Variants in CDK9 observed in about 807,000 individuals in gnomAD.
CDK9 encodes cyclin dependent kinase 9.
In CDK9, 34 loss-of-function variants were observed where a neutral mutation model predicts 39.0. The ratio of observed to expected loss-of-function variants is 0.87; its 90% CI spans 0.66 to 1.16. CDK9 has a LOEUF of 1.16. Ranked by LOEUF, CDK9 falls within the 50% of genes most tolerant of loss-of-function variation. CDK9 has a pLI of 0.00. For missense variants in CDK9, 369 were observed against 503.2 expected (o/e 0.73, Z 2.55); for synonymous variants, 233 against 196.2 (o/e 1.19, Z -1.57).
intron 1 of CDK9, 28 bp downstream of exon 1, chr9:127,786,268 G>T (rs751365977): frequency 1.3e-6 from 2 of 1,579,720 alleles, no homozygotes; most frequent in East Asian, 2.3e-5. Flanking sequence ...GGGGCCGGGA[G>T]CCCTGGGCCT....
At position 127,786,776 on chromosome 9, in the gene CDK9, GGA is replaced by G. The variant is rs776932315; in HGVS notation, c.170_171del (p.Glu57GlyfsTer26). On this transcript the variant is annotated frameshift_variant, in exon 2 of 7. Transcript: ENST00000373264. LOFTEE classifies it high-confidence loss of function. ...AGAAGGTGCTGATGGAAAACGAGAA[GGA>G]GGGGGTGAGTACGGATCGGGCGTGC... ...LKKVLMENEK[E>X]GFPITALREI... 6.2e-7 allele frequency: 1 copy of G among 1,614,046 alleles called. No homozygotes were observed. Among genetic ancestry groups the G allele is most frequent in the South Asian group, 1.1e-5 (1 of 91,036 alleles).
intron 5 of CDK9, 57 bp downstream of exon 5, chr9:127,788,442 TC>T: frequency 6.4e-7 from 1 of 1,559,890 alleles, no homozygotes. Flanking sequence ...CCTGGCCCCT[TC>T]CCCCCAACTG....
At position 127,789,270 on chromosome 9, in the gene CDK9, T is replaced by C. The variant is rs1471339806; in HGVS notation, c.846T>C (p.Tyr282=). The part of the protein sequence containing the change: ...KRKVKDRLKA[Y]VRDPYALDLI... ...AGGTGAAGGACAGGCTGAAGGCCTA[T>C]GTGCGTGACCCATACGCACTGGACC... The change falls in exon 7 of 7, where the codon TAT becomes TAC. Residue 282 remains tyrosine (Y), a synonymous_variant. Transcript: ENST00000373264. This position sits in a 1 kb window ranked among gnomAD's most constrained non-coding sequence, Gnocchi z 5.2. 1.2e-6 allele frequency: 2 copies of C among 1,613,778 alleles called. No homozygotes were observed. The highest frequency in any genetic ancestry group is 8.5e-7 in the Non-Finnish European group (1 of 1,179,934).
In CDK9 at chr9:127,789,386, C is replaced by T. The variant is rs756164503; in HGVS notation, c.962C>T (p.Pro321Leu). ...NHDFFWSDPM[P>L]SDLKGMLSTH... ...GACTTCTTCTGGTCCGACCCCATGC[C>T]CTCCGACCTCAAGGGCATGCTCTCC... is the stretch of plus-strand genomic sequence containing the variant. The change falls in exon 7 of 7, where the codon CCC becomes CTC. Residue 321 changes from proline (P) to leucine (L), a missense_variant. Coordinates refer to ENST00000373264, the MANE Select transcript of CDK9 (RefSeq NM_001261.4). The surrounding 1 kb of genome is among the most constrained non-coding windows in gnomAD (Gnocchi z 5.2). 3.1e-6 allele frequency: 5 copies of T among 1,614,036 alleles called. No individual in the cohort carries two copies. The highest frequency in any genetic ancestry group is 1.1e-5 in the South Asian group (1 of 91,090).
rs776278851 is a variant in CDK9, at chr9:127,788,396, C to G, written c.604+11C>G. On this transcript the variant is annotated intron_variant, in intron 5 of 6. Transcript: ENST00000373264. ...CGGAGCTGTTGCTCGGTGAGGACTC[C>G]CGAGCGGGCCAAGGGGGGTGAGGGC... 28 of 1,609,078 alleles carry G rather than the reference C, an allele frequency of 1.7e-5. No homozygotes were observed. Among genetic ancestry groups the G allele is most frequent in the Middle Eastern group, 3.6e-4 (2 of 5,592 alleles).
chr9:127,788,410 G>T (rs375548421), intron 5 of CDK9, 25 bp downstream of exon 5: 3 of 1,601,552 alleles, frequency 1.9e-6, no homozygotes, highest in East Asian at 2.2e-5. Flanking sequence ...GCGGGCCAAG[G>T]GGGGTGAGGG....
At chr9:127,787,663 G>T (rs1251195452) in intron 3 of CDK9, 55 bp downstream of exon 3, 2 of 1,377,300 alleles carry the variant, frequency 1.5e-6, no homozygotes, top group Middle Eastern at 1.8e-4. Flanking sequence ...GGTTTTGTTT[G>T]TAAACTTGGA....
chr9:127,786,802 G>T lies in CDK9; in HGVS notation c.174+20G>T, dbSNP rs1341498124. 5.6e-6 allele frequency: 9 copies of T among 1,610,490 alleles called. No individual in the cohort carries two copies. The highest frequency in any genetic ancestry group is 1.1e-5 in the South Asian group (1 of 90,748). ...GAGGGGGTGAGTACGGATCGGGCGT[G>T]CGGGCCGGCCGGCTAACTGCCCGGG... On this transcript the variant is annotated intron_variant, in intron 2 of 6. Transcript: ENST00000373264.
intron 3 of CDK9, 67 bp downstream of exon 3, chr9:127,787,675 C>T: frequency 8.4e-7 from 1 of 1,184,808 alleles, no homozygotes; most frequent in Non-Finnish European, 1.3e-6. Context: ...AAACTTGGAA[C>T]TAGGCACACC....
Position 127,789,360 on chromosome 9 carries a change from C to T in CDK9, c.936C>T (p.His312=), listed in dbSNP as rs146248974. Reference sequence around the variant, plus strand: ...TCGACAGCGATGACGCCCTCAACCACGACTTCTTCTGGTCCGACCCCATGC... The same window carrying T: ...TCGACAGCGATGACGCCCTCAACCATGACTTCTTCTGGTCCGACCCCATGC... ...QRIDSDDALN[H]DFFWSDPMPS... is the part of the protein sequence containing the mutation. The change falls in exon 7 of 7, where the codon CAC becomes CAT. Residue 312 remains histidine, a synonymous_variant. Coordinates refer to ENST00000373264, the MANE Select transcript of CDK9 (RefSeq NM_001261.4). The surrounding 1 kb of genome is among the most constrained non-coding windows in gnomAD (Gnocchi z 5.2). 1.2e-5 allele frequency: 20 copies of T among 1,613,914 alleles called. No homozygotes were observed. Among genetic ancestry groups the T allele is most frequent in the African/African-American group, 5.3e-5 (4 of 74,928 alleles).
chr9:127,788,180 G>A (rs1227146791), intron 4 of CDK9, 34 bp from the exon 5 acceptor site: 2 of 1,613,336 alleles, frequency 1.2e-6, no homozygotes. Flanking sequence ...CCGGGTGGAT[G>A]TCACTAAAGG....
rs1465554087 is a variant in CDK9, at chr9:127,788,371, C to G, written c.590C>G (p.Pro197Arg). The G allele has an allele frequency of 6.2e-7, 1 of 1,612,204 alleles. No homozygotes were observed. The highest frequency in any genetic ancestry group is 1.7e-5 in the Admixed American group (1 of 59,960). Residue 197 changes from proline (P) to arginine (R), a missense_variant, in exon 5 of 7, where the codon CCG becomes CGG. Transcript: ENST00000373264. Reference sequence around the variant, plus strand: ...GTGGTGACACTCTGGTACCGGCCCCCGGAGCTGTTGCTCGGTGAGGACTCC... The same window carrying G: ...GTGGTGACACTCTGGTACCGGCCCCGGGAGCTGTTGCTCGGTGAGGACTCC... ...NRVVTLWYRP[P>R]ELLLGERDYG...
At position 127,787,928 on chromosome 9, in the gene CDK9, C is replaced by G. The variant is rs745632670; in HGVS notation, c.266-19C>G. ...GGTGTGGTTTTCTTGACTTTTTCTTCTTTCTATTCCTGCCTCAGCTTCCCC... is the reference window on the plus strand; with the variant it reads ...GGTGTGGTTTTCTTGACTTTTTCTTGTTTCTATTCCTGCCTCAGCTTCCCC... On this transcript the variant is annotated intron_variant, in intron 3 of 6. Coordinates refer to ENST00000373264, the MANE Select transcript of CDK9 (RefSeq NM_001261.4). The G allele has an allele frequency of 6.2e-7, 1 of 1,612,476 alleles. No homozygotes were observed. Among genetic ancestry groups the G allele is most frequent in the South Asian group, 1.1e-5 (1 of 91,064 alleles).
rs1050390530 is a variant in CDK9 at position 127,787,503 on chromosome 9, C to G, written c.175-15C>G. 6.3e-7 allele frequency: 1 copy of G among 1,598,448 alleles called. No individual in the cohort carries two copies. The highest frequency in any genetic ancestry group is 8.6e-7 in the Non-Finnish European group (1 of 1,165,960). On this transcript the variant is annotated splice_polypyrimidine_tract_variant and intron_variant, in intron 2 of 6. Transcript: ENST00000373264. ...TGCGCTCACTCTTGACCACTTTCCCCTCTTTCTCACCCAGTTCCCCATTAC... is the reference window on the plus strand; with the variant it reads ...TGCGCTCACTCTTGACCACTTTCCCGTCTTTCTCACCCAGTTCCCCATTAC...
rs1588539373 is a variant in CDK9 at position 127,789,439 on chromosome 9, T to C, written c.1015T>C (p.Leu339=). Residue 339 remains leucine, a synonymous_variant, in exon 7 of 7, where the codon TTG becomes CTG. Transcript: ENST00000373264. This position sits in a 1 kb window ranked among gnomAD's most constrained non-coding sequence, Gnocchi z 5.2. ...STHLTSMFEY[L]APPRRKGSQI... is the part of the protein sequence containing the mutation. ...CCACCTGACGTCCATGTTCGAGTAC[T>C]TGGCACCACCGCGCCGGAAGGGCAG... 6.2e-7 allele frequency: 1 copy of C among 1,614,054 alleles called. No individual in the cohort carries two copies. Among genetic ancestry groups the C allele is most frequent in the Non-Finnish European group, 8.5e-7 (1 of 1,180,026 alleles).
At position 127,789,208 on chromosome 9, in the gene CDK9, T is replaced by C; in HGVS notation, c.784T>C (p.Tyr262His). Residue 262 changes from tyrosine to histidine, a missense_variant, in exon 7 of 7, where the codon TAC becomes CAC. Transcript: ENST00000373264. The surrounding 1 kb of genome is among the most constrained non-coding windows in gnomAD (Gnocchi z 5.2). The stretch of plus-strand genomic sequence containing the variant: ...GCCAAACGTGGACAACTATGAGCTG[T>C]ACGAAAAGCTGGAGCTGGTCAAGGG... ...VWPNVDNYEL[Y>H]EKLELVKGQK... 1 of 1,602,648 alleles carries C rather than the reference T, an allele frequency of 6.2e-7. No individual in the cohort carries two copies. The highest frequency in any genetic ancestry group is 8.5e-7 in the Non-Finnish European group (1 of 1,172,292).
Position 127,790,663 on chromosome 9 carries a change from C to CT in CDK9, c.*1122dup, listed in dbSNP as rs939393435. ...TCTGGAGGTCAATTTCCTACATCCT[C>CT]TTACAGGCGGAGACCTTGAAGTGGG... is the stretch of plus-strand genomic sequence containing the variant. On this transcript the variant is annotated 3_prime_UTR_variant, in exon 7 of 7. Transcript: ENST00000373264. 9 of 152,136 alleles carry CT rather than the reference C, an allele frequency of 5.9e-5. No homozygotes were observed. The highest frequency in any genetic ancestry group is 2.2e-4 in the African/African-American group (9 of 41,400). 9.4% of individuals were successfully genotyped at this position (152,136 alleles called of 1,614,324 possible).
intron 6 of CDK9, 48 bp downstream of exon 6, chr9:127,788,740 C>T: frequency 6.6e-7 from 1 of 1,518,258 alleles, no homozygotes; most frequent in Non-Finnish European, 8.9e-7. Flanking sequence ...GGTCCCCCGG[C>T]AGAGGAGGAG....
chr9:127,788,561 C>A lies in CDK9; in HGVS notation c.622C>A (p.Pro208Thr). The A allele has an allele frequency of 1.3e-6, 2 of 1,571,412 alleles. No homozygotes were observed. The highest frequency in any genetic ancestry group is 1.7e-6 in the Non-Finnish European group (2 of 1,158,684). Residue 208 changes from proline to threonine, a missense_variant, in exon 6 of 7, where the codon CCC (proline) becomes ACC (threonine). By Grantham distance (38) the Pro-to-Thr change is conservative (BLOSUM62 -1). Coordinates refer to ENST00000373264, the MANE Select transcript of CDK9 (RefSeq NM_001261.4). The part of the protein sequence containing the change: ...ELLLGERDYG[P>T]PIDLWGAGCI... ...CTTCCCAGGGGAGCGGGACTACGGC[C>A]CCCCCATTGACCTGTGGGGTGCTGG...
Sources: gnomAD v4.1 joint callset for allele counts on GRCh38, gnomAD v4.1.1 for gene constraint, Gnocchi (gnomAD v3.1) non-coding constraint, MANE v1.5 for transcripts, NCBI Gene and HGNC (gene_info 2026-07-23, HGNC 2026-07-21) for gene names.